The following CDH6 variants were observed in gnomAD, a reference collection of about 807,000 sequenced individuals.
CDH6 encodes the protein cadherin 6.
CDH6 carries 31 observed loss-of-function variants against 78.0 expected under a neutral mutation model. The observed-to-expected ratio is 0.40, with a 90% CI of 0.30 to 0.54. CDH6 has a LOEUF of 0.54. Ranked by LOEUF, CDH6 falls within the 20% of genes least tolerant of loss-of-function variation. The pLI is 0.56. For missense variants in CDH6, 724 were observed against 975.9 expected (o/e 0.74, Z 3.44); for synonymous variants, 376 against 368.8 (o/e 1.02, Z -0.23).
At position 31,322,862 on chromosome 5, in the gene CDH6, G is replaced by C; in HGVS notation, c.1927G>C (p.Glu643Gln). 2 of 1,613,934 alleles carry C rather than the reference G, an allele frequency of 1.2e-6. No homozygotes were observed. The highest frequency in any genetic ancestry group is 1.7e-6 in the Non-Finnish European group (2 of 1,179,878). ...AGCTCTGAGGCGGCAGCGAAAAAAA[G>C]AGCCTTTGATCATTTCCAAAGAGGA... ...FAALRRQRKK[E>Q]PLIISKEDIR... Residue 643 changes from glutamate to glutamine, a missense_variant, in exon 12 of 12, where the codon GAG (glutamate) becomes CAG (glutamine). By Grantham distance (29) the Glu-to-Gln change is conservative. Coordinates refer to ENST00000265071, the MANE Select transcript of CDH6 (RefSeq NM_004932.4).
intron 1 of CDH6, among the ~76,000 whole-genome samples, chr5:31,226,438 G>A (rs977564305): frequency 2.0e-5 from 3 of 152,182 alleles, no homozygotes; most frequent in Admixed American, 2.0e-4. Flanking sequence ...GCCTCCCAAA[G>A]TGCTGGGATC....
chr5:31,312,530 CT>C (rs1282555249), intron 7 of CDH6, among the ~76,000 whole-genome samples: 5 of 152,124 alleles, frequency 3.3e-5, no homozygotes, highest in African/African-American at 7.2e-5. Flanking sequence ...CAAATCCTGT[CT>C]CTACAAAAAA....
At chr5:31,272,186 T>A (rs1042997880) in intron 2 of CDH6, among the ~76,000 whole-genome samples, 1 of 152,138 alleles carries the variant, frequency 6.6e-6, no homozygotes, top group African/African-American at 2.4e-5. Context: ...ACCTCCCAAT[T>A]AATCGGATGA....
chr5:31,276,597 G>A (rs891679039), intron 2 of CDH6, among the ~76,000 whole-genome samples: 2 of 152,170 alleles, frequency 1.3e-5, no homozygotes, highest in African/African-American at 4.8e-5. Context: ...AGTTAAGAAG[G>A]TAGTTGAAGA....
chr5:31,286,885 TA>T (rs1359066954), intron 2 of CDH6, among the ~76,000 whole-genome samples: 1 of 151,978 alleles, frequency 6.6e-6, no homozygotes, highest in East Asian at 1.9e-4. Flanking sequence ...AAGATATACA[TA>T]AGAGGTAGAA....
At chr5:31,272,447 C>T (rs1441885805) in intron 2 of CDH6, among the ~76,000 whole-genome samples, 1 of 152,154 alleles carries the variant, frequency 6.6e-6, no homozygotes, top group Non-Finnish European at 1.5e-5. Context: ...ATCCCTGTAA[C>T]TCTCTAGCCT....
chr5:31,268,461 T>G (rs1239951333), intron 2 of CDH6, among the ~76,000 whole-genome samples: 1 of 152,220 alleles, frequency 6.6e-6, no homozygotes, highest in East Asian at 1.9e-4. Flanking sequence ...TTGGTTAGCC[T>G]GTCATCGTGA....
At position 31,294,377 on chromosome 5, in the gene CDH6, T is replaced by C; in HGVS notation, c.523+121T>C. 1.3e-6 allele frequency: 1 copy of C among 754,358 alleles called. No individual in the cohort carries two copies. The highest frequency in any genetic ancestry group is 2.3e-6 in the Non-Finnish European group (1 of 444,324). The allele number at this position is 754,358 out of a possible 1,614,324, so 46.7% of individuals were successfully genotyped here. On this transcript the variant is annotated intron_variant, in intron 3 of 11. Coordinates refer to ENST00000265071, the MANE Select transcript of CDH6 (RefSeq NM_004932.4). This position sits in a 1 kb window ranked among gnomAD's most constrained non-coding sequence, Gnocchi z 4.1. ...TTTAGATGCTAACTTCTTCAATCCA[T>C]GTATGTCCTTTCTGTAAGTGCATAT...
intron 7 of CDH6, 79 bp from the exon 8 acceptor site, chr5:31,313,239 A>C: frequency 1.5e-6 from 2 of 1,304,642 alleles, no homozygotes; most frequent in Admixed American, 1.8e-5. Context: ...GATGTGTACC[A>C]GATGTTTTAT....
chr5:31,206,172 TAGAC>T (rs949586343), intron 1 of CDH6, among the ~76,000 whole-genome samples: 4 of 151,906 alleles, frequency 2.6e-5, no homozygotes, highest in Non-Finnish European at 4.4e-5. Context: ...AGATGGAAAA[TAGAC>T]AGATAGATAG....
At chr5:31,235,230 C>CTTT (rs1228977478) in intron 1 of CDH6, among the ~76,000 whole-genome samples, 5 of 45,996 alleles carry the variant, frequency 1.1e-4, no homozygotes, top group East Asian at 1.2e-3. Flanking sequence ...TTTTCTATTC[C>CTTT]TTTTTCTTTT....
At chr5:31,311,315 C>T (rs778843848) in intron 7 of CDH6, among the ~76,000 whole-genome samples, 10 of 152,216 alleles carry the variant, frequency 6.6e-5, no homozygotes, top group Non-Finnish European at 1.2e-4. Flanking sequence ...TAATCCAGTT[C>T]CCAATAAGTT....
At chr5:31,251,637 G>A (rs1400142207) in intron 1 of CDH6, 1 of 152,198 alleles carries the variant, frequency 6.6e-6, no homozygotes, top group African/African-American at 2.4e-5. Context: ...GATTCCACAA[G>A]TTTATATCCA....
chr5:31,257,341 T>A (rs1742084914), intron 1 of CDH6, among the ~76,000 whole-genome samples: 1 of 152,136 alleles, frequency 6.6e-6, no homozygotes, highest in Admixed American at 6.5e-5. Context: ...TTTTTTGTAT[T>A]TTTAGTAGAG....
At chr5:31,277,663 G>A (rs1009976573) in intron 2 of CDH6, among the ~76,000 whole-genome samples, 7 of 152,024 alleles carry the variant, frequency 4.6e-5, no homozygotes, top group African/African-American at 1.4e-4. Context: ...TTCAGATATC[G>A]AATGCAAACT....
chr5:31,293,081 T>C (rs1737455682), intron 2 of CDH6, among the ~76,000 whole-genome samples: 1 of 151,952 alleles, frequency 6.6e-6, no homozygotes, highest in Non-Finnish European at 1.5e-5. Context: ...GTATCCTTAG[T>C]ATTCATTTAA....
chr5:31,240,654 T>C (rs1440797827), intron 1 of CDH6, among the ~76,000 whole-genome samples: 1 of 152,166 alleles, frequency 6.6e-6, no homozygotes, highest in Admixed American at 6.5e-5. Context: ...GCAATTTTTA[T>C]TTATTCATTT....
At position 31,223,191 on chromosome 5, in the gene CDH6, T is replaced by G. The variant is rs973044074; in HGVS notation, c.-129+29305T>G. 2.9e-4 allele frequency among the ~76,000 whole-genome samples: 44 copies of G among 152,170 alleles called. 1 individual carries two copies. Among genetic ancestry groups the G allele is most frequent in the Non-Finnish European group, 4.4e-5 (3 of 68,024 alleles). On this transcript the variant is annotated intron_variant, in intron 1 of 11. Coordinates refer to ENST00000265071, the MANE Select transcript of CDH6 (RefSeq NM_004932.4). ...ATCTTTATCTTTAGAGTAGTAGAGA[T>G]TTATTTAGAAGCCCTTTTAAAAGTG...
intron 2 of CDH6, among the ~76,000 whole-genome samples, chr5:31,283,918 G>A (rs112684111): frequency 0.025 from 3,857 of 151,854 alleles, 161 homozygotes; most frequent in South Asian, 0.16. Context: ...GGGTTCAAGC[G>A]ATTCTCCTGC....
Sources: allele counts gnomAD v4.1 joint callset (sites outside exome capture counted in the v4.1 genomes callset), GRCh38; gene constraint gnomAD v4.1.1; non-coding constraint Gnocchi (gnomAD v3.1); transcripts MANE v1.5; gene names NCBI Gene and HGNC (gene_info 2026-07-23, HGNC 2026-07-21).